The following TNPO2 variants were observed in gnomAD, a reference collection of about 807,000 sequenced individuals.
The protein encoded by TNPO2 is transportin-2.
A neutral mutation model predicts 111.1 loss-of-function variants in TNPO2; 16 were observed. The ratio of observed to expected loss-of-function variants is 0.14; its 90% confidence interval spans 0.10 to 0.22. The LOEUF (loss-of-function observed/expected upper bound fraction) is 0.22. Ranked by LOEUF, TNPO2 falls within the 10% of genes least tolerant of loss-of-function variation. The pLI is 1.00. For synonymous variants in TNPO2, 481 were observed against 475.8 expected (o/e 1.01, Z -0.14); for missense variants, 530 against 1,173.7 (o/e 0.45, Z 8.01).
chr19:12,723,779 CAA>C lies in TNPO2; in HGVS notation c.-143_-142del, dbSNP rs955053403. ...GCTATCTCAACCCACTTGCCGTAGG[CAA>C]AGTCAGTCCCGGCTCCGTTCATTCA... On this transcript the variant is annotated 5_prime_UTR_variant, in exon 1 of 26. An upstream open reading frame in the 5' UTR loses its in-frame stop. Coordinates refer to ENST00000425528, the MANE Select transcript of TNPO2 (RefSeq NM_001382241.1). The C allele has an allele frequency of 8.5e-5, 13 of 152,198 alleles. No individual in the cohort carries two copies. Among genetic ancestry groups the C allele is most frequent in the Non-Finnish European group, 1.9e-4 (13 of 68,032 alleles). The allele number at this position is 152,198 out of a possible 1,614,324, so 9.4% of individuals were successfully genotyped here. A position where few individuals can be genotyped will look rare whatever the true frequency, so the allele number is the denominator to read the frequency against.
At position 12,711,463 on chromosome 19, in the gene TNPO2, TG is replaced by T; in HGVS notation, c.952-3del. The T allele has an allele frequency of 6.2e-7, 1 of 1,613,774 alleles. No individual in the cohort carries two copies. The highest frequency in any genetic ancestry group is 1.3e-5 in the African/African-American group (1 of 74,998). The stretch of plus-strand genomic sequence containing the variant: ...AGCCTCATCCTCCTCCACATCCCCC[TG>T]GGGGACAGGCAGACTGTTAAGTACT... On this transcript the variant is annotated splice_region_variant and splice_polypyrimidine_tract_variant and intron_variant, in intron 11 of 25. Coordinates refer to ENST00000425528, the MANE Select transcript of TNPO2 (RefSeq NM_001382241.1).
At position 12,712,587 on chromosome 19, in the gene TNPO2, G is replaced by A. The variant is rs181830161; in HGVS notation, c.891-974C>T. 8.5e-5 allele frequency among the ~76,000 whole-genome samples: 13 copies of A among 152,278 alleles called. No homozygotes were observed. The East Asian group carries it at 2.3e-3, about 27-fold the overall frequency. On this transcript the variant is annotated intron_variant, in intron 10 of 25. Coordinates refer to ENST00000425528, the MANE Select transcript of TNPO2 (RefSeq NM_001382241.1). The stretch of plus-strand genomic sequence containing the variant: ...CTGATATGCAGAAATAATGGCATAC[G>A]CTGTCTTTCTCTTTGTCTACTCTCC...
chr19:12,708,872 A>C (rs2025864655), intron 13 of TNPO2, among the ~76,000 whole-genome samples: 3 of 150,892 alleles, frequency 2.0e-5, no homozygotes, highest in African/African-American at 2.4e-5. Flanking sequence ...ACTCCGTCTC[A>C]AAAAAAAAGA....
At chr19:12,722,561 T>TAAAAAAAAAAAAAAAAAAAAAAAAAAAA (rs751028490) in intron 2 of TNPO2, 1 of 40,904 alleles carries the variant, frequency 2.4e-5, no homozygotes, top group Non-Finnish European at 4.9e-5. Flanking sequence ...GAGAGAGAAT[T>TAAAAAAAAAAAAAAAAAAAAAAAAAAAA]AAAAAAAAAA....
chr19:12,710,486 G>T, intron 13 of TNPO2, 135 bp downstream of exon 13: 2 of 1,048,926 alleles, frequency 1.9e-6, no homozygotes, highest in Non-Finnish European at 2.7e-6. Context: ...ACCAAGGGGA[G>T]AATTGAGATC....
chr19:12,712,135 T>C (rs1052122512), intron 10 of TNPO2, among the ~76,000 whole-genome samples: 1 of 152,304 alleles, frequency 6.6e-6, no homozygotes, highest in African/African-American at 2.4e-5. Context: ...AGATAGGAGC[T>C]GAGGGGACAT....
rs956107671 is a variant in TNPO2, at chr19:12,701,494, C to A, written c.2587-41G>T. ...TGGTGAGGGGTAGGCAGGGGCAGAA[C>A]AAGGGGAGTGCGCCTCTTCCCCCAT... is the stretch of plus-strand genomic sequence containing the variant. On this transcript the variant is annotated intron_variant, in intron 24 of 25. Coordinates refer to ENST00000425528, the MANE Select transcript of TNPO2 (RefSeq NM_001382241.1). This position sits in a 1 kb window ranked among gnomAD's most constrained non-coding sequence, Gnocchi z 5.0. 6.2e-5 allele frequency: 100 copies of A among 1,601,674 alleles called. No homozygotes were observed. The highest frequency in any genetic ancestry group is 8.5e-5 in the Non-Finnish European group (99 of 1,169,128).
In TNPO2 at chr19:12,721,274, C is replaced by G. The variant is rs1475968195; in HGVS notation, c.-13-284G>C. The G allele has an allele frequency of 7.8e-7, 1 of 1,288,768 alleles. No homozygotes were observed. Among genetic ancestry groups the G allele is most frequent in the Admixed American group, 3.5e-5 (1 of 28,800 alleles). The allele number at this position is 1,288,768 out of a possible 1,614,324, so 79.8% of individuals were successfully genotyped here. A position where few individuals can be genotyped will look rare whatever the true frequency, so the allele number is the denominator to read the frequency against. On this transcript the variant is annotated intron_variant, in intron 2 of 25. Transcript: ENST00000425528. This position sits in a 1 kb window ranked among gnomAD's most constrained non-coding sequence, Gnocchi z 4.9. ...CTCATGGGACCCAGCGAAGAGCCCT[C>G]GTCCCAGGGTGGCCCATGCCGCTGA... is the stretch of plus-strand genomic sequence containing the variant.
At chr19:12,707,112 C>T (rs981728528) in intron 13 of TNPO2, among the ~76,000 whole-genome samples, 2 of 152,190 alleles carry the variant, frequency 1.3e-5, no homozygotes, top group Non-Finnish European at 2.9e-5. Flanking sequence ...ATTCTCCTGC[C>T]TCAGCCTCCC....
Position 12,711,281 on chromosome 19 carries a change from G to C in TNPO2, c.1117+15C>G. 1.2e-6 allele frequency: 2 copies of C among 1,609,568 alleles called. No homozygotes were observed. The highest frequency in any genetic ancestry group is 8.5e-7 in the Non-Finnish European group (1 of 1,177,108). ...GCTTGCCACCCCACCACCACCCCCA[G>C]GCAGGGGCACACACTCAAATTCCAG... is the stretch of plus-strand genomic sequence containing the variant. On this transcript the variant is annotated intron_variant, in intron 12 of 25. Coordinates refer to ENST00000425528, the MANE Select transcript of TNPO2 (RefSeq NM_001382241.1).
chr19:12,711,780 C>T (rs892796719), intron 10 of TNPO2, among the ~76,000 whole-genome samples, 167 bp from the exon 11 acceptor site: 1 of 152,040 alleles, frequency 6.6e-6, no homozygotes, highest in Admixed American at 6.6e-5. Flanking sequence ...GCAAATTGAT[C>T]CATTTCCCTC....
intron 13 of TNPO2, among the ~76,000 whole-genome samples, chr19:12,710,111 C>G (rs2025956493): frequency 6.6e-6 from 1 of 152,080 alleles, no homozygotes; most frequent in African/African-American, 2.4e-5. Context: ...TACAGAACAC[C>G]AGGTTGAATT....
Position 12,711,601 on chromosome 19 carries a change from G to C in TNPO2, c.903C>G (p.Ile301Met). ...CCGAGTACTTCATCCCATTCACCAAGATGGGGATCAACCTGCACAGAGAGG... is the reference window on the plus strand; with the variant it reads ...CCGAGTACTTCATCCCATTCACCAACATGGGGATCAACCTGCACAGAGAGG... ...LASHLVQLIP[I>M]LVNGMKYSEI... The change falls in exon 11 of 26, where the codon ATC becomes ATG. Residue 301 changes from isoleucine to methionine, a missense_variant. Physicochemically the swap from Ile to Met is conservative, Grantham distance 10. This residue lies in a region of TNPO2 where 156 missense variants were observed against 405.8 expected (regional missense o/e 0.38). Coordinates refer to ENST00000425528, the MANE Select transcript of TNPO2 (RefSeq NM_001382241.1). 1 of 1,613,660 alleles carries C rather than the reference G, an allele frequency of 6.2e-7. No homozygotes were observed. Among genetic ancestry groups the C allele is most frequent in the Non-Finnish European group, 8.5e-7 (1 of 1,179,746 alleles).
At position 12,713,642 on chromosome 19, in the gene TNPO2, G is replaced by A. The variant is rs566280155; in HGVS notation, c.890+1179C>T. Among the ~76,000 whole-genome samples the A allele has an allele frequency of 2.0e-5, 3 of 152,266 alleles. No individual in the cohort carries two copies. The South Asian group carries it at 6.2e-4, about 32-fold the overall frequency. Reference sequence around the variant, plus strand: ...AATCGCTTGAACCCGAGGGGCGGAGGTTGCAGTGAGCCGAGATTGTGCCAC... The same window carrying A: ...AATCGCTTGAACCCGAGGGGCGGAGATTGCAGTGAGCCGAGATTGTGCCAC... On this transcript the variant is annotated intron_variant, in intron 10 of 25. Transcript: ENST00000425528.
chr19:12,718,319 C>G (rs1051138164), intron 5 of TNPO2, among the ~76,000 whole-genome samples: 1 of 152,166 alleles, frequency 6.6e-6, no homozygotes, highest in Admixed American at 6.6e-5. Context: ...GCGAGTGCCA[C>G]CACGCCCAGC....
chr19:12,703,633 C>A, intron 19 of TNPO2, 81 bp downstream of exon 19: 1 of 1,576,782 alleles, frequency 6.3e-7, no homozygotes, highest in South Asian at 1.1e-5. Context: ...CCAATGTGGT[C>A]ACAGTCATCC....
rs2025605543 is a variant in TNPO2 at position 12,705,651 on chromosome 19, G to A, written c.1755+31C>T. 6.4e-7 allele frequency: 1 copy of A among 1,561,704 alleles called. No homozygotes were observed. The highest frequency in any genetic ancestry group is 8.7e-7 in the Non-Finnish European group (1 of 1,150,570). On this transcript the variant is annotated intron_variant, in intron 16 of 25. Transcript: ENST00000425528. This position sits in a 1 kb window ranked among gnomAD's most constrained non-coding sequence, Gnocchi z 7.2. ...GAACTCAGGCAGGGTGGGCAGGATG[G>A]GTTTCGGGTGAGGGGCAGGAGCCCA...
rs1380214014 is a variant in TNPO2 at position 12,702,784 on chromosome 19, C to G, written c.2305+39G>C. The G allele has an allele frequency of 6.3e-7, 1 of 1,576,794 alleles. No individual in the cohort carries two copies. The highest frequency in any genetic ancestry group is 8.7e-7 in the Non-Finnish European group (1 of 1,147,080). On this transcript the variant is annotated intron_variant, in intron 21 of 25. Coordinates refer to ENST00000425528, the MANE Select transcript of TNPO2 (RefSeq NM_001382241.1). The surrounding 1 kb of genome is among the most constrained non-coding windows in gnomAD (Gnocchi z 5.5). ...AGCCCAGAACCCCACCTCCAGAAGGCAGGCAGGGGTGCAGGCAGCAGCCGG... is the reference window on the plus strand; with the variant it reads ...AGCCCAGAACCCCACCTCCAGAAGGGAGGCAGGGGTGCAGGCAGCAGCCGG...
At chr19:12,712,369 ACT>A (rs1370143055) in intron 10 of TNPO2, among the ~76,000 whole-genome samples, 17 of 151,772 alleles carry the variant, frequency 1.1e-4, no homozygotes, top group Admixed American at 1.1e-3. Flanking sequence ...TTTAGAGAAG[ACT>A]CTGCTCCTCC....
Sources: allele counts gnomAD v4.1 joint callset (sites outside exome capture counted in the v4.1 genomes callset), GRCh38; gene constraint gnomAD v4.1.1; regional missense constraint gnomAD v4.1.1; non-coding constraint Gnocchi (gnomAD v3.1); transcripts MANE v1.5; gene names NCBI Gene and HGNC (gene_info 2026-07-23, HGNC 2026-07-21).